Variants in IL6R observed in about 807,000 individuals in gnomAD.
The protein encoded by IL6R is interleukin 6 receptor.
Under a neutral mutation model 48.3 loss-of-function variants are expected in IL6R, and 38 were observed. The ratio of observed to expected loss-of-function variants is 0.79; its 90% CI spans 0.61 to 1.03. The LOEUF (loss-of-function observed/expected upper bound fraction) is 1.03, where lower values mean the gene tolerates loss of function less well. Among genes scored for constraint, IL6R ranks in the 50% least tolerant of loss-of-function variants. IL6R has a pLI of 0.00. For synonymous variants in IL6R, 264 were observed against 256.2 expected (o/e 1.03, Z -0.29); for missense variants, 534 against 618.3 (o/e 0.86, Z 1.45).
At chr1:154,407,020 G>T (rs905861401) in intron 1 of IL6R, among the ~76,000 whole-genome samples, 2 of 152,110 alleles carry the variant, frequency 1.3e-5, no homozygotes, top group South Asian at 4.1e-4. Flanking sequence ...CCCCTCCCGT[G>T]GCTCTGTGCT....
At chr1:154,441,216 G>T (rs541050934) in intron 6 of IL6R, among the ~76,000 whole-genome samples, 4 of 152,226 alleles carry the variant, frequency 2.6e-5, no homozygotes, top group Non-Finnish European at 5.9e-5. Context: ...CCCTTCCCCT[G>T]AATCTGGTCT....
At chr1:154,423,408 G>A (rs1688800274) in intron 1 of IL6R, among the ~76,000 whole-genome samples, 1 of 151,514 alleles carries the variant, frequency 6.6e-6, no homozygotes, top group Non-Finnish European at 1.5e-5. Flanking sequence ...GGTAGGGAGA[G>A]GACACTTCTA....
chr1:154,427,711 C>T (rs1390052810), intron 1 of IL6R, among the ~76,000 whole-genome samples: 2 of 152,154 alleles, frequency 1.3e-5, no homozygotes, highest in African/African-American at 4.8e-5. Context: ...GGACTGTGGC[C>T]AGTAGCCAGT....
chr1:154,465,665 C>T lies in IL6R; in HGVS notation c.*285C>T. ...CATATCAAGACTCTTTGGACACTCACACGGACACTCAAAAGCTGGGCAGGT... is the reference window on the plus strand; with the variant it reads ...CATATCAAGACTCTTTGGACACTCATACGGACACTCAAAAGCTGGGCAGGT... On this transcript the variant is annotated 3_prime_UTR_variant, in exon 10 of 10. Coordinates refer to ENST00000368485, the MANE Select transcript of IL6R (RefSeq NM_000565.4). 2.4e-6 allele frequency: 1 copy of T among 412,640 alleles called. No homozygotes were observed. Among genetic ancestry groups the T allele is most frequent in the East Asian group, 4.8e-5 (1 of 20,736 alleles). The allele number at this position is 412,640 out of a possible 1,614,324, so 25.6% of individuals were successfully genotyped here.
chr1:154,429,011 A>G (rs1689135813), intron 1 of IL6R, among the ~76,000 whole-genome samples, 185 bp from the exon 2 acceptor site: 1 of 152,168 alleles, frequency 6.6e-6, no homozygotes, highest in South Asian at 2.1e-4. Flanking sequence ...TCTCCCAGGC[A>G]GCTGGATGGT....
chr1:154,444,255 C>CTGGAGTG (rs1304121508), intron 6 of IL6R, among the ~76,000 whole-genome samples: 1 of 146,204 alleles, frequency 6.8e-6, no homozygotes, highest in Admixed American at 7.0e-5. Context: ...GTTGCCTAGG[C>CTGGAGTG]TGGAGTGCAA....
chr1:154,415,377 T>A (rs1193755805), intron 1 of IL6R, among the ~76,000 whole-genome samples: 1 of 152,246 alleles, frequency 6.6e-6, no homozygotes, highest in South Asian at 2.1e-4. Context: ...CTCTTTACAG[T>A]TTATTGAATT....
At chr1:154,420,755 C>T (rs187489481) in intron 1 of IL6R, among the ~76,000 whole-genome samples, 56 of 151,968 alleles carry the variant, frequency 3.7e-4, no homozygotes, top group African/African-American at 8.4e-4. Context: ...AGGCTGGTCT[C>T]GAACTCCTGA....
At chr1:154,445,513 G>A (rs547922226) in intron 6 of IL6R, among the ~76,000 whole-genome samples, 1 of 152,266 alleles carries the variant, frequency 6.6e-6, no homozygotes, top group Non-Finnish European at 1.5e-5. Context: ...TACTTTGGGA[G>A]GCTGAGGCGG....
At chr1:154,423,264 T>TATATATATATATATATATATATATAC (rs1688785250) in intron 1 of IL6R, among the ~76,000 whole-genome samples, 1 of 129,494 alleles carries the variant, frequency 7.7e-6, no homozygotes, top group Non-Finnish European at 1.6e-5. Flanking sequence ...TAATTAAATA[T>TATATATATATATATATATATATATAC]ATATATATAT....
At chr1:154,439,895 C>T (rs867437020) in intron 6 of IL6R, among the ~76,000 whole-genome samples, 9 of 151,990 alleles carry the variant, frequency 5.9e-5, no homozygotes, top group African/African-American at 1.9e-4. Flanking sequence ...CTTTCTGTCT[C>T]TCTCTTTTTC....
At chr1:154,426,161 G>GACACACACAC (rs372688307) in intron 1 of IL6R, among the ~76,000 whole-genome samples, 2,986 of 118,630 alleles carry the variant, frequency 0.025, 91 homozygotes, top group Admixed American at 0.067. Context: ...CCCTGTATCA[G>GACACACACAC]ACACACACAC....
At chr1:154,424,940 T>C (rs12118721) in intron 1 of IL6R, among the ~76,000 whole-genome samples, 77,909 of 151,808 alleles carry the variant, frequency 0.51, 20,432 homozygotes, top group Admixed American at 0.62. Context: ...GGCTCACAAC[T>C]CCAAAGGGGT....
chr1:154,435,241 G>T, intron 5 of IL6R, 85 bp downstream of exon 5: 2 of 1,295,512 alleles, frequency 1.5e-6, no homozygotes, highest in Admixed American at 2.0e-5. Context: ...CAGGCATGGT[G>T]GCTCACGCCT....
At chr1:154,452,931 G>A (rs1259458002) in intron 8 of IL6R, among the ~76,000 whole-genome samples, 1 of 152,128 alleles carries the variant, frequency 6.6e-6, no homozygotes, top group African/African-American at 2.4e-5. Context: ...ATGGCCAGGC[G>A]CCGTGGCTCA....
intron 1 of IL6R, among the ~76,000 whole-genome samples, chr1:154,411,392 G>T (rs1352902131): frequency 4.6e-5 from 7 of 152,168 alleles, no homozygotes; most frequent in Non-Finnish European, 1.5e-5. Flanking sequence ...ATGCTGATAA[G>T]GAGTTGGATA....
chr1:154,442,894 G>A (rs544684452), intron 6 of IL6R, among the ~76,000 whole-genome samples: 1 of 151,956 alleles, frequency 6.6e-6, no homozygotes, highest in South Asian at 2.1e-4. Flanking sequence ...CAGCCTCTGA[G>A]TAGCTAGGAC....
chr1:154,442,575 G>A (rs1689997800), intron 6 of IL6R, among the ~76,000 whole-genome samples: 1 of 152,206 alleles, frequency 6.6e-6, no homozygotes. Flanking sequence ...TGAGGCTGGG[G>A]CCTGGCCCCC....
intron 1 of IL6R, among the ~76,000 whole-genome samples, chr1:154,415,711 G>C (rs1383033204): frequency 6.6e-6 from 1 of 152,182 alleles, no homozygotes; most frequent in Non-Finnish European, 1.5e-5. Context: ...GGGTGCAGTG[G>C]CTCACACCTG....
Sources: allele counts gnomAD v4.1 joint callset (sites outside exome capture counted in the v4.1 genomes callset), GRCh38; gene constraint gnomAD v4.1.1; transcripts MANE v1.5; gene names NCBI Gene and HGNC (gene_info 2026-07-23, HGNC 2026-07-21).